ESRRG: variants seen among roughly 807,000 people sequenced by gnomAD.
The protein encoded by ESRRG is estrogen related receptor gamma, also known as estrogen-related receptor gamma.
ESRRG carries 13 observed loss-of-function variants against 44.0 expected under a neutral mutation model. The ratio of observed to expected loss-of-function variants is 0.30; its 90% confidence interval spans 0.19 to 0.47. The LOEUF (loss-of-function observed/expected upper bound fraction) is 0.47. Among genes scored for constraint, ESRRG ranks in the 20% least tolerant of loss-of-function variants. The pLI is 1.00. For missense variants in ESRRG, 395 were observed against 580.6 expected, an observed-to-expected ratio of 0.68 and a Z score of 3.29; for synonymous variants, 215 against 214.6, an observed-to-expected ratio of 1.00 and a Z score of -0.02.
chr1:216,598,774 T>C (rs1409401007), intron 3 of ESRRG, among the ~76,000 whole-genome samples: 1 of 152,094 alleles, frequency 6.6e-6, no homozygotes, highest in Non-Finnish European at 1.5e-5. Flanking sequence ...TGGGTTTGCT[T>C]CTAAGCTATT....
chr1:216,793,722 T>C (rs1022922442), intron 2 of ESRRG, among the ~76,000 whole-genome samples: 1 of 152,234 alleles, frequency 6.6e-6, no homozygotes, highest in Non-Finnish European at 1.5e-5. Flanking sequence ...ATTTGTTATG[T>C]GTCCTAATAC....
rs34207997 is a variant in ESRRG at position 216,937,246 on chromosome 1, G to GA, written c.-14+2335dup. 2.2e-3 allele frequency among the ~76,000 whole-genome samples: 322 copies of GA among 149,498 alleles called. 1 individual carries two copies. Among genetic ancestry groups the GA allele is most frequent in the Middle Eastern group, 0.014 (4 of 290 alleles). On this transcript the variant is annotated intron_variant, in intron 2 of 7. Transcript: ENST00000359162. ...ACAATAAAAATAGTCAGGAAGAGCA[G>GA]AAAAAAAAAAGATTGCCGTGATATT... is the stretch of plus-strand genomic sequence containing the variant.
chr1:216,921,522 G>T (rs532251685), intron 2 of ESRRG, among the ~76,000 whole-genome samples: 1 of 151,994 alleles, frequency 6.6e-6, no homozygotes, highest in Non-Finnish European at 1.5e-5. Flanking sequence ...ACCCTCCTAC[G>T]GCACTCTGGT....
At chr1:217,098,014 T>A (rs2092449572) in intron 1 of ESRRG, among the ~76,000 whole-genome samples, 1 of 152,180 alleles carries the variant, frequency 6.6e-6, no homozygotes, top group Admixed American at 6.5e-5. Context: ...AGTATTGCTT[T>A]ACAATCCCCA....
chr1:216,973,450 C>A (rs1490422016), intron 1 of ESRRG, among the ~76,000 whole-genome samples: 1 of 152,146 alleles, frequency 6.6e-6, no homozygotes, highest in African/African-American at 2.4e-5. Flanking sequence ...TCTACACAAC[C>A]ACTCCCTCAG....
chr1:216,778,606 A>G (rs1056521735), intron 2 of ESRRG, among the ~76,000 whole-genome samples: 13 of 151,864 alleles, frequency 8.6e-5, no homozygotes, highest in African/African-American at 2.9e-4. Context: ...GTGACCCTGA[A>G]GTACTTCCTG....
At chr1:216,999,918 C>T (rs1436302114) in intron 1 of ESRRG, among the ~76,000 whole-genome samples, 2 of 152,252 alleles carry the variant, frequency 1.3e-5, no homozygotes, top group Non-Finnish European at 2.9e-5. Context: ...AAAGGGGAAA[C>T]TCTTTATGCT....
At chr1:216,942,702 G>A (rs72741434) in intron 1 of ESRRG, among the ~76,000 whole-genome samples, 3,274 of 152,154 alleles carry the variant, frequency 0.022, 49 homozygotes, top group Middle Eastern at 0.051. Flanking sequence ...TTGGTCACTT[G>A]TGTGTCTTCT....
intron 5 of ESRRG, among the ~76,000 whole-genome samples, chr1:216,536,909 T>C (rs541387110): frequency 6.6e-6 from 1 of 151,716 alleles, no homozygotes; most frequent in South Asian, 2.1e-4. Context: ...AATACAAAAC[T>C]ATGAGGGAAA....
At chr1:217,099,376 C>CAAAAAAAAAAAA (rs34591349) in intron 1 of ESRRG, among the ~76,000 whole-genome samples, 1 of 138,748 alleles carries the variant, frequency 7.2e-6, no homozygotes, top group African/African-American at 2.7e-5. Flanking sequence ...GTGAGCAGAG[C>CAAAAAAAAAAAA]AAAAAAAAAA....
At chr1:216,622,373 T>C (rs1322586767) in intron 3 of ESRRG, among the ~76,000 whole-genome samples, 1 of 152,214 alleles carries the variant, frequency 6.6e-6, no homozygotes, top group Non-Finnish European at 1.5e-5. Context: ...GGCTGGTGCC[T>C]GCCATTTTAA....
rs182140839 is a variant in ESRRG, at chr1:216,961,916, T to C, written c.-105-22243A>G. Among the ~76,000 whole-genome samples, 439 of 152,274 alleles carry C rather than the reference T, an allele frequency of 2.9e-3. 2 individuals are homozygous for C. Among genetic ancestry groups the C allele is most frequent in the African/African-American group, 9.8e-3 (409 of 41,570 alleles). On this transcript the variant is annotated intron_variant, in intron 1 of 7. Coordinates refer to the ESRRG transcript ENST00000359162. ...ACAAAATAAATTGTGACATAATCTT[T>C]ACCACAGATTATTCACTTTAAAGGA...
intron 2 of ESRRG, among the ~76,000 whole-genome samples, chr1:216,798,626 A>T (rs747781017): frequency 1.6e-4 from 25 of 152,148 alleles, no homozygotes; most frequent in Admixed American, 3.9e-4. Flanking sequence ...GTAAGAGTGG[A>T]TGTAGGATGA....
At chr1:216,945,229 G>A (rs1295532713) in intron 1 of ESRRG, among the ~76,000 whole-genome samples, 1 of 152,082 alleles carries the variant, frequency 6.6e-6, no homozygotes, top group African/African-American at 2.4e-5. Flanking sequence ...AAACAAAGAT[G>A]AGAAGAGAGA....
At chr1:216,639,045 A>G (rs928929785) in intron 3 of ESRRG, among the ~76,000 whole-genome samples, 2 of 152,204 alleles carry the variant, frequency 1.3e-5, no homozygotes, top group Non-Finnish European at 2.9e-5. Context: ...AATTGGCTTC[A>G]AATATACTAA....
chr1:216,845,015 G>C (rs1218454674), intron 2 of ESRRG, among the ~76,000 whole-genome samples: 1 of 152,024 alleles, frequency 6.6e-6, no homozygotes, highest in Non-Finnish European at 1.5e-5. Flanking sequence ...GAGGACCCCA[G>C]ATGACTCTTA....
chr1:216,992,801 A>G (rs2075903860), intron 1 of ESRRG, among the ~76,000 whole-genome samples: 3 of 152,222 alleles, frequency 2.0e-5, no homozygotes, highest in Non-Finnish European at 4.4e-5. Context: ...GAATATGATG[A>G]CAGTGATTAT....
chr1:216,528,439 AC>A (rs1257437362), intron 5 of ESRRG, among the ~76,000 whole-genome samples: 2 of 152,094 alleles, frequency 1.3e-5, no homozygotes, highest in African/African-American at 4.8e-5. Context: ...TGTCACAATT[AC>A]TTTTTTGTTA....
intron 1 of ESRRG, among the ~76,000 whole-genome samples, chr1:217,080,844 A>AT (rs1369546909): frequency 1.3e-5 from 2 of 151,428 alleles, no homozygotes; most frequent in Non-Finnish European, 2.9e-5. Flanking sequence ...TGACCAGTTA[A>AT]TTTTTTGTAT....
Sources: gnomAD v4.1 joint callset for allele counts (sites outside exome capture counted in the v4.1 genomes callset) on GRCh38, gnomAD v4.1.1 for gene constraint, MANE v1.5 for transcripts, NCBI Gene and HGNC (gene_info 2026-07-23, HGNC 2026-07-21) for gene names.